EP300: variants seen among roughly 807,000 people sequenced by gnomAD.
EP300 encodes the protein EP300 lysine acetyltransferase.
A neutral mutation model predicts 264.0 loss-of-function variants in EP300; 31 were observed. That is an observed-to-expected ratio of 0.12 (90% CI 0.09 to 0.16). The LOEUF (loss-of-function observed/expected upper bound fraction) is 0.16, where lower values mean the gene tolerates loss of function less well. Among genes scored for constraint, EP300 ranks in the 10% least tolerant of loss-of-function variants. The pLI is 1.00. For synonymous variants in EP300, 1,340 were observed against 1,045.4 expected, an observed-to-expected ratio of 1.28 and a Z score of -5.44; for missense variants, 2,766 against 3,052.9, an observed-to-expected ratio of 0.91 and a Z score of 2.21.
intron 9 of EP300, among the ~76,000 whole-genome samples, chr22:41,140,745 TC>T (rs1159494555): frequency 6.6e-6 from 1 of 152,064 alleles, no homozygotes; most frequent in African/African-American, 2.4e-5. Context: ...CTGCAGTGAT[TC>T]GGGATTGCGC....
At chr22:41,101,633 G>A (rs1048466124) in intron 1 of EP300, among the ~76,000 whole-genome samples, 1 of 151,696 alleles carries the variant, frequency 6.6e-6, no homozygotes, top group African/African-American at 2.4e-5. Context: ...GGATGGTCTC[G>A]ATCTGCTGAC....
chr22:41,156,594 G>A (rs950289033), intron 17 of EP300, among the ~76,000 whole-genome samples: 13 of 152,074 alleles, frequency 8.5e-5, no homozygotes, highest in African/African-American at 1.2e-4. Flanking sequence ...GGTGGTGCAC[G>A]CCTGTAATCC....
chr22:41,162,835 A>T (rs1437390403), intron 21 of EP300, 56 bp downstream of exon 21: 2 of 1,470,476 alleles, frequency 1.4e-6, no homozygotes, highest in African/African-American at 1.4e-5. Flanking sequence ...TTTCCCTTTC[A>T]TTCTCTTGAA....
chr22:41,098,142 C>T (rs535865132), intron 1 of EP300, among the ~76,000 whole-genome samples: 1 of 152,154 alleles, frequency 6.6e-6, no homozygotes, highest in African/African-American at 2.4e-5. Context: ...AATGCTATCC[C>T]TCTCCCCTCC....
Position 41,101,049 on chromosome 22 carries a change from T to C in EP300, c.94+7951T>C, listed in dbSNP as rs540491440. On this transcript the variant is annotated intron_variant, in intron 1 of 30. Transcript: ENST00000263253. Reference sequence around the variant, plus strand: ...CTTGTTAGAAATGTTTAAGAATGGCTTCTTGATAAAGAACTGTGTTAAGCA... The same window carrying C: ...CTTGTTAGAAATGTTTAAGAATGGCCTCTTGATAAAGAACTGTGTTAAGCA... Among the ~76,000 whole-genome samples the C allele has an allele frequency of 2.0e-5, 3 of 152,192 alleles. No individual in the cohort carries two copies. The South Asian group carries it at 6.2e-4, about 31-fold the overall frequency.
chr22:41,160,450 A>C (rs2059101994), intron 19 of EP300, 192 bp from the exon 20 acceptor site: 2 of 547,982 alleles, frequency 3.6e-6, no homozygotes, highest in East Asian at 3.0e-5. Flanking sequence ...ACAAAAAAAC[A>C]AACAAAAAAA....
chr22:41,115,410 A>T (rs943252080), intron 1 of EP300, among the ~76,000 whole-genome samples: 5 of 152,210 alleles, frequency 3.3e-5, no homozygotes, highest in African/African-American at 1.2e-4. Context: ...GAAACCCTGC[A>T]TTAATCTATA....
intron 7 of EP300, 115 bp from the exon 8 acceptor site, chr22:41,137,538 G>T: frequency 1.4e-6 from 2 of 1,396,064 alleles, no homozygotes; most frequent in Non-Finnish European, 2.0e-6. Context: ...TCCTTAATGC[G>T]AATAGAAGTG....
intron 6 of EP300, among the ~76,000 whole-genome samples, chr22:41,135,146 C>T (rs1236425856): frequency 1.3e-5 from 2 of 152,116 alleles, no homozygotes; most frequent in Non-Finnish European, 2.9e-5. Context: ...GTGATCCGCC[C>T]ACCTCGGCCT....
intron 6 of EP300, among the ~76,000 whole-genome samples, 170 bp downstream of exon 6, chr22:41,131,803 G>A (rs2058921428): frequency 6.6e-6 from 1 of 152,124 alleles, no homozygotes; most frequent in Admixed American, 6.6e-5. Flanking sequence ...AGAGGTAACT[G>A]CCACTGGTTT....
chr22:41,146,791 G>C lies in EP300; in HGVS notation c.2106G>C (p.Met702Ile), dbSNP rs2059013087. The C allele has an allele frequency of 6.2e-7, 1 of 1,614,112 alleles. No individual in the cohort carries two copies. Among genetic ancestry groups the C allele is most frequent in the African/African-American group, 1.3e-5 (1 of 75,024 alleles). ...TCCGTGGCAGTGTGCCAAACCAGAT[G>C]ATGCCTCGAATAACTCCACAATCTG... ...SMIRGSVPNQMMPRITPQSGL... is the reference protein window; with the variant it reads ...SMIRGSVPNQIMPRITPQSGL... Residue 702 changes from methionine to isoleucine, a missense_variant, in exon 11 of 31, where the codon ATG becomes ATC. By Grantham distance (10) the Met-to-Ile change is conservative. Transcript: ENST00000263253.
In EP300 at chr22:41,117,837, GT is replaced by G; in HGVS notation, c.729+19del. ...GCCTCTTAAGGTAAGTACAGTTTTG[GT>G]TTGTGTGCACAATCGGCATGCATGT... On this transcript the variant is annotated intron_variant, in intron 2 of 30. Coordinates refer to ENST00000263253, the MANE Select transcript of EP300 (RefSeq NM_001429.4). 1 of 1,613,436 alleles carries G rather than the reference GT, an allele frequency of 6.2e-7. No homozygotes were observed. The highest frequency in any genetic ancestry group is 8.5e-7 in the Non-Finnish European group (1 of 1,180,022).
At chr22:41,147,283 G>C (rs977400500) in intron 11 of EP300, among the ~76,000 whole-genome samples, 6 of 147,476 alleles carry the variant, frequency 4.1e-5, no homozygotes, top group African/African-American at 1.0e-4. Flanking sequence ...CCCAGCCTGA[G>C]TGACAGCAAG....
intron 1 of EP300, among the ~76,000 whole-genome samples, chr22:41,093,684 T>C (rs182159763): frequency 2.6e-4 from 40 of 152,348 alleles, no homozygotes; most frequent in Non-Finnish European, 5.0e-4. Flanking sequence ...TTTCTTCTTA[T>C]TTGCTTTAAG....
intron 27 of EP300, 30 bp downstream of exon 27, chr22:41,170,601 A>T (rs1462570562): frequency 1.2e-6 from 2 of 1,605,574 alleles, no homozygotes; most frequent in East Asian, 4.5e-5. Flanking sequence ...CCAGGTGCTG[A>T]CAATAGATCT....
At chr22:41,127,141 TGAG>T (rs1474216432) in intron 3 of EP300, among the ~76,000 whole-genome samples, 1 of 152,162 alleles carries the variant, frequency 6.6e-6, no homozygotes, top group Non-Finnish European at 1.5e-5. Flanking sequence ...CTGAGTCTCT[TGAG>T]GAGTTCTTCA....
chr22:41,117,939 T>C (rs2058830904), intron 2 of EP300, 118 bp downstream of exon 2: 1 of 1,512,878 alleles, frequency 6.6e-7, no homozygotes, highest in Non-Finnish European at 9.0e-7. Flanking sequence ...AGGAATTTAC[T>C]GTGCTGTCAT....
chr22:41,177,158 A>C lies in EP300; in HGVS notation c.5447A>C (p.Gln1816Pro). 6.2e-7 allele frequency: 1 copy of C among 1,614,140 alleles called. No individual in the cohort carries two copies. Among genetic ancestry groups the C allele is most frequent in the African/African-American group, 1.3e-5 (1 of 75,022 alleles). The part of the protein sequence containing the change: ...CLNIKQKLRQ[Q>P]QLQHRLQQAQ... The stretch of plus-strand genomic sequence containing the variant: ...AACATCAAGCAGAAGCTCCGGCAGC[A>C]ACAGCTGCAGCACCGACTACAGCAG... Residue 1816 changes from glutamine to proline, a missense_variant, in exon 31 of 31, where the codon CAA becomes CCA. Transcript: ENST00000263253.
chr22:41,136,425 A>C (rs533052552), intron 7 of EP300, among the ~76,000 whole-genome samples: 2 of 152,354 alleles, frequency 1.3e-5, no homozygotes, highest in East Asian at 3.9e-4. Flanking sequence ...TTACAGCTCC[A>C]TAATAGCCTT....
Sources: allele counts gnomAD v4.1 joint callset (sites outside exome capture counted in the v4.1 genomes callset), GRCh38; gene constraint gnomAD v4.1.1; transcripts MANE v1.5; gene names NCBI Gene and HGNC (gene_info 2026-07-23, HGNC 2026-07-21).